The following NEB variants were observed in gnomAD, a reference collection of about 807,000 sequenced individuals.
The protein encoded by NEB is nemaline myopathy type 2.
A neutral mutation model predicts 952.2 loss-of-function variants in NEB; 512 were observed. That is an observed-to-expected ratio of 0.54 (90% CI 0.50 to 0.58). The LOEUF (loss-of-function observed/expected upper bound fraction) is 0.58. Among genes scored for constraint, NEB ranks in the 20% least tolerant of loss-of-function variants. NEB has a pLI of 0.00. For missense variants in NEB, 8,428 were observed against 9,231.1 expected (o/e 0.91, Z 3.56); for synonymous variants, 2,900 against 3,149.8 (o/e 0.92, Z 2.66).
chr2:151,620,843 G>A (rs1043489017), intron 72 of NEB, 76 bp downstream of exon 72: 3 of 1,146,876 alleles, frequency 2.6e-6, no homozygotes, highest in East Asian at 5.1e-5. Context: ...GGTGGATGAT[G>A]ACCAAAGAGA....
At position 151,633,964 on chromosome 2, in the gene NEB, T is replaced by C. The variant is rs1248520307; in HGVS notation, c.9104A>G (p.Tyr3035Cys). The C allele has an allele frequency of 2.5e-6, 4 of 1,609,936 alleles. No individual in the cohort carries two copies. The highest frequency in any genetic ancestry group is 3.4e-6 in the Non-Finnish European group (4 of 1,177,052). ...CTTGCAGTAACCATCTTTATATTTG[T>C]ACTAAAATGAAAATGCACAAATCAG... The part of the protein sequence containing the change: ...AKASRDIISD[Y>C]KYKDGYCKQL... Residue 3035 changes from tyrosine (Y) to cysteine (C), a missense_variant and splice_region_variant, in exon 65 of 182, where the codon TAC (tyrosine) becomes TGC (cysteine). By Grantham distance (194) the Tyr-to-Cys change is radical. Coordinates refer to ENST00000397345, the MANE Select transcript of NEB (RefSeq NM_001164508.2).
chr2:151,672,469 G>C lies in NEB; in HGVS notation c.4199C>G (p.Ala1400Gly). ...TGGCTGTTTGTAGTTGACATTGGTA[G>C]CGACATCCTGGGCCATCTTTGCAGC... The part of the protein sequence containing the change: ...ITAAKMAQDV[A>G]TNVNYKQPLH... The change falls in exon 37 of 182, where the codon GCT becomes GGT. Residue 1400 changes from alanine to glycine, a missense_variant. By Grantham distance (60) the Ala-to-Gly change is moderately conservative. Coordinates refer to ENST00000397345, the MANE Select transcript of NEB (RefSeq NM_001164508.2). The C allele has an allele frequency of 1.2e-6, 2 of 1,614,006 alleles. No individual in the cohort carries two copies. Among genetic ancestry groups the C allele is most frequent in the Non-Finnish European group, 1.7e-6 (2 of 1,179,876 alleles).
intron 13 of NEB, among the ~76,000 whole-genome samples, chr2:151,704,483 C>G (rs2099694740): frequency 6.6e-6 from 1 of 151,300 alleles, no homozygotes; most frequent in African/African-American, 2.4e-5. Context: ...GCAGTTTGAT[C>G]TCAGACTGCT....
intron 107 of NEB, among the ~76,000 whole-genome samples, chr2:151,574,136 A>G (rs974260169): frequency 6.6e-6 from 1 of 151,994 alleles, no homozygotes; most frequent in African/African-American, 2.4e-5. Context: ...CACCACGCCC[A>G]GCTAATTTTT....
In NEB at chr2:151,492,188, C is replaced by T. The variant is rs764260738; in HGVS notation, c.24967G>A (p.Asp8323Asn). The T allele has an allele frequency of 7.4e-6, 12 of 1,613,858 alleles. No individual in the cohort carries two copies. In the South Asian group the frequency reaches 1.3e-4, roughly 18 times the overall value. ...CCTCGGTAGTTAATGTCACTGAAGT[C>T]CTGCATGTTCTTCTTTACTCGTTCA... ...ITERVKKNMQ[D>N]FSDINYRGIQ... is the part of the protein sequence containing the mutation. The change falls in exon 178 of 182, where the codon GAC (aspartate) becomes AAC (asparagine). Residue 8323 changes from aspartate (D) to asparagine (N), a missense_variant. Physicochemically the swap from Asp to Asn is conservative, Grantham distance 23. This residue lies in a region of NEB where 3,374 missense variants were observed against 3,651.5 expected (regional missense o/e 0.92). Transcript: ENST00000397345.
At chr2:151,558,410 G>A (rs976649662) in intron 124 of NEB, among the ~76,000 whole-genome samples, 1 of 152,142 alleles carries the variant, frequency 6.6e-6, no homozygotes, top group Non-Finnish European at 1.5e-5. Flanking sequence ...TGGATAGGAA[G>A]ACTCAATATC....
Position 151,608,564 on chromosome 2 carries a change from T to C in NEB, c.12443A>G (p.Tyr4148Cys), listed in dbSNP as rs1553877721. ...VAQDLVNERLYRTRPEALSFT... is the reference protein window; with the variant it reads ...VAQDLVNERLCRTRPEALSFT... ...TGACAAAGCTTCTGGACGTGTCCTA[T>C]AGAGTCTTTCATTCACGAGGTCTTG... The change falls in exon 82 of 182, where the codon TAT becomes TGT. Residue 4148 changes from tyrosine to cysteine, a missense_variant. This residue lies in a region of NEB where 14 missense variants were observed against 46.4 expected (regional missense o/e 0.30). Coordinates refer to ENST00000397345, the MANE Select transcript of NEB (RefSeq NM_001164508.2). The C allele has an allele frequency of 1.6e-5, 2 of 125,130 alleles. No homozygotes were observed. The highest frequency in any genetic ancestry group is 1.0e-4 in the East Asian group (1 of 9,894). The allele number at this position is 125,130 out of a possible 1,614,324, so 7.8% of individuals were successfully genotyped here.
chr2:151,535,293 T>G lies in NEB; in HGVS notation c.21312+398A>C, dbSNP rs141618371. ...TTCTAACAACTGACATTTTGGTGCCTTAGTAGAGGATACTAAATTAACCTT... is the reference window on the plus strand; with the variant it reads ...TTCTAACAACTGACATTTTGGTGCCGTAGTAGAGGATACTAAATTAACCTT... On this transcript the variant is annotated intron_variant, in intron 142 of 181. Transcript: ENST00000397345. Among the ~76,000 whole-genome samples, 5 of 152,372 alleles carry G rather than the reference T, an allele frequency of 3.3e-5. No individual in the cohort carries two copies. The East Asian group carries it at 9.6e-4, about 29-fold the overall frequency.
intron 179 of NEB, among the ~76,000 whole-genome samples, chr2:151,490,837 C>T (rs533811764): frequency 1.3e-5 from 2 of 152,292 alleles, no homozygotes; most frequent in Middle Eastern, 3.4e-3. Context: ...TAGTAATATT[C>T]ACATTCAGAC....
chr2:151,685,561 T>C (rs370739551), intron 27 of NEB, among the ~76,000 whole-genome samples: 1 of 152,308 alleles, frequency 6.6e-6, no homozygotes, highest in East Asian at 1.9e-4. Flanking sequence ...AAGCTTCAGA[T>C]TGCAGCAGTT....
intron 181 of NEB, 98 bp from the exon 182 acceptor site, chr2:151,486,031 CTT>C (rs2050043311): frequency 3.2e-6 from 4 of 1,269,116 alleles, no homozygotes; most frequent in East Asian, 2.4e-5. Context: ...ACTCCACAAA[CTT>C]AAGTTGAACA....
At chr2:151,496,389 C>T (rs1312015322) in intron 172 of NEB, 21 bp from the exon 173 acceptor site, 1 of 1,589,528 alleles carries the variant, frequency 6.3e-7, no homozygotes. Context: ...AGAAAGCATC[C>T]AGAAAAACAA....
intron 131 of NEB, 108 bp downstream of exon 131, chr2:151,548,200 C>T (rs1364976825): frequency 2.1e-5 from 19 of 906,562 alleles, no homozygotes; most frequent in Middle Eastern, 3.0e-4. Flanking sequence ...TCATTTTTTG[C>T]TGGTATGTAA....
chr2:151,491,579 G>C, intron 179 of NEB, 104 bp downstream of exon 179: 1 of 961,730 alleles, frequency 1.0e-6, no homozygotes, highest in Middle Eastern at 2.1e-4. Context: ...CTCAGAAAAT[G>C]GAAAACTCTG....
Position 151,617,344 on chromosome 2 carries a change from A to T in NEB, c.11181+20T>A, listed in dbSNP as rs1292339133. The stretch of plus-strand genomic sequence containing the variant: ...TCATTTTTGCCTTTCTGTTCATTAC[A>T]AGATCAACAGTTTACTTACATCACT... On this transcript the variant is annotated intron_variant, in intron 75 of 181. Transcript: ENST00000397345. 6.7e-7 allele frequency: 1 copy of T among 1,500,716 alleles called. No homozygotes were observed. The highest frequency in any genetic ancestry group is 9.1e-7 in the Non-Finnish European group (1 of 1,101,656). 93.0% of individuals were successfully genotyped at this position (1,500,716 alleles called of 1,614,324 possible). A position where few individuals can be genotyped will look rare whatever the true frequency, so the allele number is the denominator to read the frequency against.
chr2:151,707,480 T>G (rs142619248), intron 12 of NEB, among the ~76,000 whole-genome samples: 302 of 152,092 alleles, frequency 2.0e-3, no homozygotes, highest in Middle Eastern at 6.8e-3. Flanking sequence ...CACCTGCAAC[T>G]GTGCATGGAG....
At chr2:151,565,881 G>A in intron 114 of NEB, 61 bp from the exon 115 acceptor site, 1 of 1,146,564 alleles carries the variant, frequency 8.7e-7, no homozygotes, top group East Asian at 2.5e-5. Context: ...GCTTACAGAG[G>A]GCAGGTTACA....
At chr2:151,719,902 A>AAAT (rs1370304413) in intron 9 of NEB, among the ~76,000 whole-genome samples, 1 of 151,762 alleles carries the variant, frequency 6.6e-6, no homozygotes, top group Non-Finnish European at 1.5e-5. Flanking sequence ...AAAAAAAAAA[A>AAAT]AAATACAAAC....
At chr2:151,559,701 A>AAC (rs2095894544) in intron 124 of NEB, among the ~76,000 whole-genome samples, 1 of 152,186 alleles carries the variant, frequency 6.6e-6, no homozygotes, top group Non-Finnish European at 1.5e-5. Context: ...CAGAAAACCA[A>AAC]ACACTGCATG....
Sources: allele counts gnomAD v4.1 joint callset (sites outside exome capture counted in the v4.1 genomes callset), GRCh38; gene constraint gnomAD v4.1.1; regional missense constraint gnomAD v4.1.1; transcripts MANE v1.5; gene names NCBI Gene and HGNC (gene_info 2026-07-23, HGNC 2026-07-21).